The following PIGS variants were observed in gnomAD, a reference collection of about 807,000 sequenced individuals.
PIGS encodes phosphatidylinositol glycan anchor biosynthesis class S.
In PIGS, 37 loss-of-function variants were observed where a neutral mutation model predicts 58.2. The ratio of observed to expected loss-of-function variants is 0.64; its 90% CI spans 0.49 to 0.84. The LOEUF is 0.84. PIGS is among the 40% of genes least tolerant of loss of function. The pLI, the probability that PIGS is intolerant of heterozygous loss-of-function variation, is 0.00. For missense variants in PIGS, 629 were observed against 710.8 expected, an observed-to-expected ratio of 0.88 and a Z score of 1.31; for synonymous variants, 269 against 289.2, an observed-to-expected ratio of 0.93 and a Z score of 0.71.
intron 5 of PIGS, 162 bp from the exon 6 acceptor site, chr17:28,561,791 G>GTA: frequency 1.5e-6 from 1 of 656,724 alleles, no homozygotes; most frequent in Non-Finnish European, 2.6e-6. Context: ...TGAGCTATGA[G>GTA]TATATATTGA....
In PIGS at chr17:28,561,476, G is replaced by C; in HGVS notation, c.622C>G (p.Leu208Val). Residue 208 changes from leucine to valine, a missense_variant, in exon 6 of 12, where the codon CTT (leucine) becomes GTT (valine). Coordinates refer to ENST00000308360, the MANE Select transcript of PIGS (RefSeq NM_033198.4). Reference protein sequence around the residue: ...DVLAAALADHLPEDKWSAEKR... With the variant: ...DVLAAALADHVPEDKWSAEKR... ...TCAGCGCTCCACTTGTCCTCTGGAA[G>C]GTGGTCAGCCAGAGCAGCAGCAAGC... 6.2e-7 allele frequency: 1 copy of C among 1,614,090 alleles called. No individual in the cohort carries two copies. Among genetic ancestry groups the C allele is most frequent in the Non-Finnish European group, 8.5e-7 (1 of 1,179,950 alleles).
chr17:28,556,643 A>T, intron 9 of PIGS, 184 bp downstream of exon 9: 1 of 772,908 alleles, frequency 1.3e-6, no homozygotes, highest in Non-Finnish European at 2.1e-6. Flanking sequence ...ACACTGGCGG[A>T]AACAAAAGTG....
At position 28,570,903 on chromosome 17, in the gene PIGS, G is replaced by T. The variant is rs775498263; in HGVS notation, c.235C>A (p.Gln79Lys). 6.2e-7 allele frequency: 1 copy of T among 1,614,210 alleles called. No homozygotes were observed. Among genetic ancestry groups the T allele is most frequent in the Non-Finnish European group, 8.5e-7 (1 of 1,180,042 alleles). The part of the protein sequence containing the change: ...FTRESVPLDD[Q>K]EKLPFTVVHE... ...ACAACGGTGAAGGGCAGCTTCTCCTGGTCGTCCAGGGGCACTGACTCCCGC... is the reference window on the plus strand; with the variant it reads ...ACAACGGTGAAGGGCAGCTTCTCCTTGTCGTCCAGGGGCACTGACTCCCGC... The change falls in exon 3 of 12, where the codon CAG (glutamine) becomes AAG (lysine). Residue 79 changes from glutamine (Q) to lysine (K), a missense_variant. Transcript: ENST00000308360.
Position 28,554,442 on chromosome 17 carries a change from C to G in PIGS, c.1446G>C (p.Gly482=), listed in dbSNP as rs1567613896. The G allele has an allele frequency of 6.2e-7, 1 of 1,614,130 alleles. No individual in the cohort carries two copies. The highest frequency in any genetic ancestry group is 8.5e-7 in the Non-Finnish European group (1 of 1,180,028). Residue 482 remains glycine, a synonymous_variant, in exon 12 of 12, where the codon GGG becomes GGC. Coordinates refer to ENST00000308360, the MANE Select transcript of PIGS (RefSeq NM_033198.4). ...TGGCGACAAAGGCAGATGCCAGGTG[C>G]CCAGACGCCAACTCTTCTGCCGACT... ...VQKSAEELAS[G]HLASAFVASQ...
chr17:28,556,604 G>A, intron 9 of PIGS: 1 of 698,714 alleles, frequency 1.4e-6, no homozygotes, highest in Non-Finnish European at 2.5e-6. Context: ...AATGATCCTA[G>A]GTAAGGGCAA....
chr17:28,554,246 A>G lies in PIGS; in HGVS notation c.1642T>C (p.Trp548Arg). The G allele has an allele frequency of 6.2e-7, 1 of 1,614,168 alleles. No individual in the cohort carries two copies. The highest frequency in any genetic ancestry group is 1.3e-5 in the African/African-American group (1 of 75,040). ...CAGTCTGTCTTCTCAGGCTTTCTCCAGGACTTGCGGGTCTCCAGGAAGATC... is the reference window on the plus strand; with the variant it reads ...CAGTCTGTCTTCTCAGGCTTTCTCCGGGACTTGCGGGTCTCCAGGAAGATC... ...VKIFLETRKS[W>R]RKPEKTD The change falls in exon 12 of 12, where the codon TGG becomes CGG. Residue 548 changes from tryptophan (W) to arginine (R), a missense_variant. Trp to Arg is a moderately radical substitution (Grantham distance 101). Transcript: ENST00000308360.
intron 7 of PIGS, among the ~76,000 whole-genome samples, chr17:28,558,981 T>G (rs2070346710): frequency 6.6e-6 from 1 of 152,154 alleles, no homozygotes; most frequent in Admixed American, 6.5e-5. Context: ...AGCTACATTC[T>G]TCACATCTTT....
At chr17:28,571,430 AG>A in intron 1 of PIGS, 32 bp downstream of exon 1, 1 of 1,607,594 alleles carries the variant, frequency 6.2e-7, no homozygotes, top group Non-Finnish European at 8.5e-7. Flanking sequence ...GCCATCAGCT[AG>A]CTGCAGGCCC....
At chr17:28,557,164 GA>G (rs2070335912) in intron 8 of PIGS, 192 bp from the exon 9 acceptor site, 1 of 608,310 alleles carries the variant, frequency 1.6e-6, no homozygotes, top group Non-Finnish European at 2.8e-6. Context: ...CATACCGATG[GA>G]AACATAGTCC....
intron 11 of PIGS, 82 bp downstream of exon 11, chr17:28,554,769 C>CA: frequency 6.5e-7 from 1 of 1,544,170 alleles, no homozygotes; most frequent in South Asian, 1.1e-5. Context: ...ATGGACCTCA[C>CA]AGGCTCTCTG....
intron 3 of PIGS, among the ~76,000 whole-genome samples, chr17:28,566,271 C>T (rs77928120): frequency 3.7e-4 from 36 of 97,742 alleles, no homozygotes; most frequent in Middle Eastern, 9.8e-3. Flanking sequence ...TTTTTCTTTT[C>T]TTTTTTTTTT....
At chr17:28,566,647 G>T (rs1270365427) in intron 3 of PIGS, among the ~76,000 whole-genome samples, 1 of 141,828 alleles carries the variant, frequency 7.1e-6, no homozygotes, top group African/African-American at 2.7e-5. Flanking sequence ...AGGCTGGAAT[G>T]CAGTGGCACA....
In PIGS at chr17:28,571,171, G is replaced by T; in HGVS notation, c.52C>A (p.Arg18Ser). The change falls in exon 2 of 12, where the codon CGC (arginine) becomes AGC (serine). Residue 18 changes from arginine to serine, a missense_variant. By Grantham distance (110) the Arg-to-Ser change is moderately radical. Transcript: ENST00000308360. Reference protein sequence around the residue: ...ATHLEVARGKRAALFFAAVAI... With the variant: ...ATHLEVARGKSAALFFAAVAI... ...ACCGCAGCGAAGAAGAGGGCGGCGC[G>T]CTTGCCCCGGGCCACCTCTGAGGGC... The T allele has an allele frequency of 6.2e-7, 1 of 1,613,244 alleles. No individual in the cohort carries two copies. The highest frequency in any genetic ancestry group is 8.5e-7 in the Non-Finnish European group (1 of 1,179,938).
rs757812822 is a variant in PIGS, at chr17:28,556,951, T to C, written c.956A>G (p.Tyr319Cys). 1 of 1,614,058 alleles carries C rather than the reference T, an allele frequency of 6.2e-7. No homozygotes were observed. The highest frequency in any genetic ancestry group is 8.5e-7 in the Non-Finnish European group (1 of 1,180,002). The change falls in exon 9 of 12, where the codon TAC (tyrosine) becomes TGC (cysteine). Residue 319 changes from tyrosine (Y) to cysteine (C), a missense_variant. Coordinates refer to ENST00000308360, the MANE Select transcript of PIGS (RefSeq NM_033198.4). ...SRLGSSAASL[Y>C]PVLNFLLYVP... ...GTAGAGTAGAAAGTTGAGCACAGGGTACAAGGAGGCAGCACTGGATCCTGT... is the reference window on the plus strand; with the variant it reads ...GTAGAGTAGAAAGTTGAGCACAGGGCACAAGGAGGCAGCACTGGATCCTGT...
chr17:28,560,066 A>C lies in PIGS; in HGVS notation c.802T>G (p.Phe268Val), dbSNP rs2070353736. The part of the protein sequence containing the change: ...FLNALGAAGN[F>V]SVDSQILYYA... The stretch of plus-strand genomic sequence containing the variant: ...GGTCTCACCTGAGAGTCCACAGAGA[A>C]GTTGCCAGCGGCACCGAGGGCATTC... Residue 268 changes from phenylalanine (F) to valine (V), a missense_variant, in exon 7 of 12, where the codon TTC (phenylalanine) becomes GTC (valine). Transcript: ENST00000308360. The C allele has an allele frequency of 6.2e-7, 1 of 1,611,982 alleles. No homozygotes were observed. Among genetic ancestry groups the C allele is most frequent in the Non-Finnish European group, 8.5e-7 (1 of 1,179,244 alleles).
chr17:28,557,189 A>T, intron 8 of PIGS: 1 of 530,214 alleles, frequency 1.9e-6, no homozygotes, highest in Non-Finnish European at 3.3e-6. Context: ...GCTCCAAAAC[A>T]CCCCCGAATT....
At chr17:28,560,306 T>C (rs1019102361) in intron 6 of PIGS, 115 bp from the exon 7 acceptor site, 3 of 1,295,560 alleles carry the variant, frequency 2.3e-6, no homozygotes, top group Admixed American at 2.6e-5. Context: ...CTGCTTTCCA[T>C]CATGGAACCA....
intron 6 of PIGS, 121 bp downstream of exon 6, chr17:28,561,296 CATAAA>C (rs2070363025): frequency 1.6e-6 from 1 of 614,664 alleles, no homozygotes; most frequent in Non-Finnish European, 2.4e-6. Context: ...ATAATAATAA[CATAAA>C]ATAAATAAGA....
Position 28,560,086 on chromosome 17 carries a change from G to C in PIGS, c.782C>G (p.Ala261Gly). ...VRRYVQPFLN[A>G]LGAAGNFSVD... ...AGAGAAGTTGCCAGCGGCACCGAGGGCATTCAGGAAAGGTTGCACATAGCG... is the reference window on the plus strand; with the variant it reads ...AGAGAAGTTGCCAGCGGCACCGAGGCCATTCAGGAAAGGTTGCACATAGCG... The change falls in exon 7 of 12, where the codon GCC (alanine) becomes GGC (glycine). Residue 261 changes from alanine to glycine, a missense_variant. By Grantham distance (60) the Ala-to-Gly change is moderately conservative (BLOSUM62 0). Coordinates refer to ENST00000308360, the MANE Select transcript of PIGS (RefSeq NM_033198.4). 2 of 1,612,452 alleles carry C rather than the reference G, an allele frequency of 1.2e-6. No individual in the cohort carries two copies. Among genetic ancestry groups the C allele is most frequent in the Non-Finnish European group, 1.7e-6 (2 of 1,179,360 alleles).
Sources: gnomAD v4.1 joint callset for allele counts (sites outside exome capture counted in the v4.1 genomes callset) on GRCh38, gnomAD v4.1.1 for gene constraint, MANE v1.5 for transcripts, NCBI Gene and HGNC (gene_info 2026-07-23, HGNC 2026-07-21) for gene names.